Variants in SLC2A13 observed in about 807,000 individuals in gnomAD.
SLC2A13 encodes the protein proton myo-inositol cotransporter.
Under a neutral mutation model 64.4 loss-of-function variants are expected in SLC2A13, and 32 were observed. That is an observed-to-expected ratio of 0.50 (90% CI 0.37 to 0.67). The LOEUF is 0.67. Ranked by LOEUF, SLC2A13 falls within the 30% of genes least tolerant of loss-of-function variation. SLC2A13 has a pLI of 0.00. For missense variants in SLC2A13, 743 were observed against 829.2 expected, an observed-to-expected ratio of 0.90 and a Z score of 1.28; for synonymous variants, 338 against 327.1, an observed-to-expected ratio of 1.03 and a Z score of -0.36.
At chr12:39,968,172 T>TA (rs1404409382) in intron 3 of SLC2A13, among the ~76,000 whole-genome samples, 1 of 152,102 alleles carries the variant, frequency 6.6e-6, no homozygotes, top group African/African-American at 2.4e-5. Context: ...TCAGGAAACT[T>TA]ACAATCATGG....
intron 3 of SLC2A13, among the ~76,000 whole-genome samples, chr12:39,964,888 G>A (rs11564281): frequency 0.077 from 11,773 of 151,996 alleles, 564 homozygotes; most frequent in South Asian, 0.14. Flanking sequence ...AGTAAAGAAG[G>A]CCAGCCACCT....
intron 3 of SLC2A13, among the ~76,000 whole-genome samples, chr12:39,971,207 A>C (rs1248436464): frequency 6.6e-6 from 1 of 152,210 alleles, no homozygotes; most frequent in East Asian, 1.9e-4. Flanking sequence ...ACAACCCAAT[A>C]AACAATGTAG....
intron 3 of SLC2A13, among the ~76,000 whole-genome samples, chr12:39,973,648 C>T (rs1338809299): frequency 6.6e-6 from 1 of 152,144 alleles, no homozygotes; most frequent in African/African-American, 2.4e-5. Flanking sequence ...TTCAGCATTC[C>T]CCCCTTCATG....
chr12:39,764,883 T>TTAAC lies in SLC2A13; in HGVS notation c.1446-29_1446-26dup, dbSNP rs1940291805. 3.1e-6 allele frequency: 5 copies of TTAAC among 1,604,788 alleles called. No individual in the cohort carries two copies. The East Asian group carries it at 1.1e-4, about 36-fold the overall frequency. Reference sequence around the variant, plus strand: ...CCTGAAAAATAATGCAATATAAGTATTAACTTAATGTTTTTGACTACAGTT... The same window carrying TTAAC: ...CCTGAAAAATAATGCAATATAAGTATTAACTAACTTAATGTTTTTGACTACAGTT... On this transcript the variant is annotated intron_variant, in intron 7 of 9. Coordinates refer to ENST00000280871, the MANE Select transcript of SLC2A13 (RefSeq NM_052885.4).
chr12:39,892,960 T>C (rs756119937), intron 4 of SLC2A13, among the ~76,000 whole-genome samples: 12 of 152,204 alleles, frequency 7.9e-5, no homozygotes, highest in Non-Finnish European at 1.5e-4. Context: ...TATCAAACCA[T>C]ATAATCAGAA....
rs1183779826 is a variant in SLC2A13, at chr12:40,092,994, G to GT, written c.556+12258dup. 2.2e-4 allele frequency among the ~76,000 whole-genome samples: 34 copies of GT among 152,316 alleles called. 1 individual carries two copies. Among genetic ancestry groups the GT allele is most frequent in the Admixed American group, 2.2e-3 (33 of 15,292 alleles). On this transcript the variant is annotated intron_variant, in intron 1 of 9. Coordinates refer to ENST00000280871, the MANE Select transcript of SLC2A13 (RefSeq NM_052885.4). ...AACATGTGGAATAGATATATCCCAC[G>GT]TAATAAGTTTGCATTTCTGTTGATT...
At chr12:40,054,720 T>A (rs562571683) in intron 1 of SLC2A13, among the ~76,000 whole-genome samples, 3 of 152,208 alleles carry the variant, frequency 2.0e-5, no homozygotes, top group Non-Finnish European at 2.9e-5. Flanking sequence ...AGTGCAGAAG[T>A]TGGCTTTCAA....
chr12:39,999,769 T>C (rs183158558), intron 3 of SLC2A13, among the ~76,000 whole-genome samples: 41 of 152,340 alleles, frequency 2.7e-4, no homozygotes, highest in Admixed American at 1.2e-3. Flanking sequence ...TGCTGTTTCC[T>C]CAGAAGCATG....
chr12:39,902,335 T>TATA (rs957635088), intron 4 of SLC2A13, among the ~76,000 whole-genome samples: 1 of 151,612 alleles, frequency 6.6e-6, no homozygotes, highest in South Asian at 2.1e-4. Context: ...AAAATTAAAG[T>TATA]ATAATAATAA....
At chr12:39,877,183 A>G (rs1944207329) in intron 4 of SLC2A13, among the ~76,000 whole-genome samples, 1 of 152,172 alleles carries the variant, frequency 6.6e-6, no homozygotes, top group Non-Finnish European at 1.5e-5. Flanking sequence ...ATAAAGACAC[A>G]TCTAAGACTG....
At chr12:39,803,979 T>C (rs1358366391) in intron 7 of SLC2A13, among the ~76,000 whole-genome samples, 1 of 151,744 alleles carries the variant, frequency 6.6e-6, no homozygotes, top group Non-Finnish European at 1.5e-5. Flanking sequence ...GCTCAAAGCA[T>C]CCAAAGAAAA....
chr12:39,812,630 G>T (rs555262407), intron 7 of SLC2A13, among the ~76,000 whole-genome samples: 2 of 151,564 alleles, frequency 1.3e-5, no homozygotes, highest in African/African-American at 2.4e-5. Context: ...CCACGGCTAC[G>T]CCCGGCTGAT....
chr12:39,954,785 C>A (rs548786566), intron 3 of SLC2A13, among the ~76,000 whole-genome samples: 1 of 152,026 alleles, frequency 6.6e-6, no homozygotes, highest in Non-Finnish European at 1.5e-5. Flanking sequence ...GTAAAGATAA[C>A]GGGACCAATT....
intron 4 of SLC2A13, among the ~76,000 whole-genome samples, chr12:39,886,400 C>G (rs897084214): frequency 7.9e-5 from 12 of 151,926 alleles, no homozygotes; most frequent in Non-Finnish European, 1.6e-4. Context: ...ACCGGTAGGA[C>G]CTTTCACAGC....
chr12:40,032,597 G>A (rs1163971982), intron 2 of SLC2A13, among the ~76,000 whole-genome samples: 1 of 152,186 alleles, frequency 6.6e-6, no homozygotes, highest in Non-Finnish European at 1.5e-5. Context: ...GAAGCTCTGT[G>A]AATGGTGGAT....
intron 5 of SLC2A13, among the ~76,000 whole-genome samples, chr12:39,868,600 G>A (rs755713772): frequency 3.0e-4 from 45 of 152,128 alleles, no homozygotes; most frequent in Non-Finnish European, 5.6e-4. Flanking sequence ...GATGAAGACC[G>A]TCTGTGAGTG....
intron 7 of SLC2A13, among the ~76,000 whole-genome samples, chr12:39,791,218 A>C (rs1037404080): frequency 6.7e-6 from 1 of 149,928 alleles, no homozygotes; most frequent in Non-Finnish European, 1.5e-5. Context: ...TTGATGGGAC[A>C]TATTTCAAAA....
intron 3 of SLC2A13, among the ~76,000 whole-genome samples, chr12:39,989,858 G>C (rs536059528): frequency 2.0e-5 from 3 of 152,272 alleles, no homozygotes; most frequent in Admixed American, 2.0e-4. Context: ...CTGCTGTCAG[G>C]AAATTTTACA....
intron 3 of SLC2A13, among the ~76,000 whole-genome samples, chr12:39,999,850 C>T (rs1045228958): frequency 2.0e-5 from 3 of 152,152 alleles, no homozygotes; most frequent in Admixed American, 6.5e-5. Context: ...CTTGTACACC[C>T]TCCCCTTTTG....
Sources: gnomAD v4.1 joint callset for allele counts (sites outside exome capture counted in the v4.1 genomes callset) on GRCh38, gnomAD v4.1.1 for gene constraint, MANE v1.5 for transcripts, NCBI Gene and HGNC (gene_info 2026-07-23, HGNC 2026-07-21) for gene names.